PIGU: variants seen among roughly 807,000 people sequenced by gnomAD.
The protein encoded by PIGU is phosphatidylinositol glycan anchor biosynthesis class U, also known as GPI-anchor transamidase component PIGU.
A neutral mutation model predicts 49.9 loss-of-function variants in PIGU; 24 were observed. The observed-to-expected ratio is 0.48, with a 90% CI of 0.35 to 0.68. The LOEUF (loss-of-function observed/expected upper bound fraction) is 0.68, where lower values mean the gene tolerates loss of function less well. Among genes scored for constraint, PIGU ranks in the 30% least tolerant of loss-of-function variants. The pLI, the probability that PIGU is intolerant of heterozygous loss-of-function variation, is 0.01. For synonymous variants in PIGU, 220 were observed against 205.7 expected, an observed-to-expected ratio of 1.07 and a Z score of -0.59; for missense variants, 490 against 532.6, an observed-to-expected ratio of 0.92 and a Z score of 0.79.
intron 7 of PIGU, among the ~76,000 whole-genome samples, chr20:34,595,095 CAA>C (rs71194627): frequency 0.012 from 858 of 71,316 alleles, 4 homozygotes; most frequent in African/African-American, 0.046. Flanking sequence ...GACTCCGTCT[CAA>C]AAAAAAAAAA....
chr20:34,673,706 C>G (rs537647599), intron 1 of PIGU, among the ~76,000 whole-genome samples: 1 of 152,298 alleles, frequency 6.6e-6, no homozygotes, highest in East Asian at 1.9e-4. Context: ...TGGATTATCT[C>G]GTTGAACAGG....
chr20:34,605,701 T>C (rs1002033766), intron 7 of PIGU, among the ~76,000 whole-genome samples: 6 of 152,176 alleles, frequency 3.9e-5, no homozygotes, highest in Non-Finnish European at 7.4e-5. Context: ...GAGCCTGTAC[T>C]CTATTTCCCT....
chr20:34,671,036 G>A (rs1041339055), intron 1 of PIGU, among the ~76,000 whole-genome samples: 6 of 152,152 alleles, frequency 3.9e-5, no homozygotes, highest in Non-Finnish European at 8.8e-5. Context: ...TGATACTGGT[G>A]GAACAGCCAT....
At chr20:34,613,937 C>T (rs6059942) in intron 7 of PIGU, among the ~76,000 whole-genome samples, 8 of 152,122 alleles carry the variant, frequency 5.3e-5, no homozygotes, top group African/African-American at 1.7e-4. Flanking sequence ...GTATAATTGC[C>T]TAATAAGAAC....
chr20:34,674,235 A>G lies in PIGU; in HGVS notation c.130+2721T>C, dbSNP rs1159681501. On this transcript the variant is annotated intron_variant, in intron 1 of 11. Transcript: ENST00000217446. ...CTGGGCATGGTGGCGGGCACCTGTA[A>G]TCCCAGCTACCCAAGAGGCTGAGAC... 3.3e-5 allele frequency among the ~76,000 whole-genome samples: 5 copies of G among 150,704 alleles called. No homozygotes were observed. The East Asian group carries it at 9.9e-4, about 30-fold the overall frequency.
chr20:34,562,386 A>C, intron 11 of PIGU: 2 of 1,263,208 alleles, frequency 1.6e-6, no homozygotes, highest in Admixed American at 2.4e-5. Flanking sequence ...GGTTGAGCTA[A>C]GCCTGGGATC....
chr20:34,575,319 C>T, intron 10 of PIGU, 73 bp from the exon 11 acceptor site: 1 of 1,544,688 alleles, frequency 6.5e-7, no homozygotes, highest in Non-Finnish European at 8.8e-7. Flanking sequence ...AATGGCCCCC[C>T]TGAATGGAGA....
chr20:34,652,005 A>G (rs901084163), intron 2 of PIGU, among the ~76,000 whole-genome samples: 4 of 151,784 alleles, frequency 2.6e-5, no homozygotes, highest in African/African-American at 9.7e-5. Flanking sequence ...GTTTGTTTTT[A>G]TTTTCGTTTT....
In PIGU at chr20:34,609,050, C is replaced by T. The variant is rs142623975; in HGVS notation, c.627+6992G>A. On this transcript the variant is annotated intron_variant, in intron 7 of 11. Transcript: ENST00000217446. The stretch of plus-strand genomic sequence containing the variant: ...ATCCCAGCACTTTGGGAGGCTGAGG[C>T]GGGAGGATTGCTGTAGCTCAAGAAT... Among the ~76,000 whole-genome samples the T allele has an allele frequency of 9.9e-3, 1,511 of 151,978 alleles. 26 individuals are homozygous for T. Among genetic ancestry groups the T allele is most frequent in the African/African-American group, 0.034 (1,390 of 41,446 alleles).
intron 5 of PIGU, among the ~76,000 whole-genome samples, chr20:34,637,181 T>C (rs549699423): frequency 6.6e-6 from 1 of 152,334 alleles, no homozygotes; most frequent in African/African-American, 2.4e-5. Context: ...CAAGGCCCCT[T>C]CTAATTCTGA....
At chr20:34,661,836 G>A (rs527781807) in intron 1 of PIGU, among the ~76,000 whole-genome samples, 4 of 152,156 alleles carry the variant, frequency 2.6e-5, no homozygotes, top group East Asian at 1.9e-4. Flanking sequence ...CCCACCAGTC[G>A]TGTATAAGTG....
intron 6 of PIGU, among the ~76,000 whole-genome samples, chr20:34,626,157 T>G (rs1201131816): frequency 2.6e-5 from 4 of 151,982 alleles, no homozygotes; most frequent in Non-Finnish European, 5.9e-5. Flanking sequence ...ATTAATAACT[T>G]TGTACCATAA....
At chr20:34,666,521 A>T (rs745542201) in intron 1 of PIGU, among the ~76,000 whole-genome samples, 47 of 149,984 alleles carry the variant, frequency 3.1e-4, no homozygotes, top group South Asian at 1.9e-3. Flanking sequence ...TTATTTAATT[A>T]ATTAATTTAT....
At chr20:34,657,367 C>A in intron 1 of PIGU, 123 bp from the exon 2 acceptor site, 2 of 673,350 alleles carry the variant, frequency 3.0e-6, no homozygotes, top group Non-Finnish European at 5.2e-6. Context: ...TCATCCCCAG[C>A]AAGTGGCTTT....
At chr20:34,611,663 A>C (rs1256800171) in intron 7 of PIGU, among the ~76,000 whole-genome samples, 1 of 131,062 alleles carries the variant, frequency 7.6e-6, no homozygotes, top group Non-Finnish European at 1.6e-5. Context: ...AAAAAAAAAA[A>C]AAGACAAAAA....
intron 1 of PIGU, among the ~76,000 whole-genome samples, chr20:34,671,904 C>T (rs1248284405): frequency 6.6e-6 from 1 of 151,198 alleles, no homozygotes; most frequent in East Asian, 1.9e-4. Context: ...GCCAGGGCAA[C>T]AAGAGTGAAA....
chr20:34,594,993 G>A (rs752352272), intron 7 of PIGU, among the ~76,000 whole-genome samples: 123 of 149,960 alleles, frequency 8.2e-4, no homozygotes, highest in Non-Finnish European at 1.3e-3. Context: ...TCGGGAGGCC[G>A]AGGCAGGAGA....
intron 11 of PIGU, among the ~76,000 whole-genome samples, chr20:34,572,155 T>A (rs953489073): frequency 2.0e-5 from 3 of 152,196 alleles, no homozygotes; most frequent in Non-Finnish European, 2.9e-5. Context: ...TGGAGGGATA[T>A]GCAAGGCTCT....
intron 7 of PIGU, among the ~76,000 whole-genome samples, chr20:34,590,269 G>T (rs532809830): frequency 6.6e-6 from 1 of 152,150 alleles, no homozygotes; most frequent in South Asian, 2.1e-4. Flanking sequence ...AAATCATGTT[G>T]TCAGGGACTG....
Sources: gnomAD v4.1 joint callset for allele counts (sites outside exome capture counted in the v4.1 genomes callset) on GRCh38, gnomAD v4.1.1 for gene constraint, MANE v1.5 for transcripts, NCBI Gene and HGNC (gene_info 2026-07-23, HGNC 2026-07-21) for gene names.